The following CWC27 variants were observed in gnomAD, a reference collection of about 807,000 sequenced individuals.
CWC27 encodes the protein CWC27 spliceosome associated cyclophilin.
A neutral mutation model predicts 63.6 loss-of-function variants in CWC27; 47 were observed. That is an observed-to-expected ratio of 0.74 (90% CI 0.58 to 0.94). CWC27 has a LOEUF of 0.94. Among genes scored for constraint, CWC27 ranks in the 40% least tolerant of loss-of-function variants. The pLI is 0.00. For synonymous variants in CWC27, 175 were observed against 179.8 expected (o/e 0.97, Z 0.22); for missense variants, 495 against 554.3 (o/e 0.89, Z 1.07).
chr5:64,852,301 C>A (rs893402642), intron 10 of CWC27, among the ~76,000 whole-genome samples: 1 of 152,140 alleles, frequency 6.6e-6, no homozygotes, highest in African/African-American at 2.4e-5. Flanking sequence ...TGGCTAAAAT[C>A]TCCAGCATAA....
At position 64,774,884 on chromosome 5, in the gene CWC27, G is replaced by A. The variant is rs566068642; in HGVS notation, c.139+97G>A. On this transcript the variant is annotated intron_variant, in intron 2 of 13. Coordinates refer to ENST00000381070, the MANE Select transcript of CWC27 (RefSeq NM_005869.4). ...CATTGAAGACTAGTGTTAAATAGTG[G>A]TCATGAATGACAGGTGTTGCTATGA... The A allele has an allele frequency of 5.5e-4, 381 of 688,602 alleles. 6 individuals are homozygous for A. The South Asian group carries it at 7.2e-3, about 13-fold the overall frequency. The allele number at this position is 688,602 out of a possible 1,614,324, so 42.7% of individuals were successfully genotyped here. A position where few individuals can be genotyped will look rare whatever the true frequency, so the allele number is the denominator to read the frequency against.
chr5:64,900,880 G>T (rs948768176), intron 11 of CWC27, among the ~76,000 whole-genome samples: 1 of 152,134 alleles, frequency 6.6e-6, no homozygotes, highest in African/African-American at 2.4e-5. Flanking sequence ...AGGCTATATG[G>T]TGTGGCCCAA....
chr5:64,819,717 T>C (rs1481204672), intron 10 of CWC27, among the ~76,000 whole-genome samples: 2 of 152,214 alleles, frequency 1.3e-5, no homozygotes, highest in African/African-American at 4.8e-5. Flanking sequence ...GTCTTGGTTA[T>C]ATCTTTATTA....
At chr5:64,795,892 C>G (rs969752766) in intron 7 of CWC27, among the ~76,000 whole-genome samples, 4 of 151,668 alleles carry the variant, frequency 2.6e-5, no homozygotes, top group African/African-American at 9.7e-5. Flanking sequence ...CTTTGTAGTT[C>G]TAGAAGGTAG....
At chr5:65,002,134 T>A (rs943077865) in intron 13 of CWC27, among the ~76,000 whole-genome samples, 1 of 152,110 alleles carries the variant, frequency 6.6e-6, no homozygotes. Context: ...AGATCCTTTC[T>A]ATTTCTGCTG....
chr5:64,775,012 A>G (rs1256240042), intron 2 of CWC27, among the ~76,000 whole-genome samples: 1 of 152,206 alleles, frequency 6.6e-6, no homozygotes, highest in Non-Finnish European at 1.5e-5. Flanking sequence ...TCAACAAATA[A>G]TACTGTGATC....
Position 64,799,677 on chromosome 5 carries a change from T to A in CWC27, c.670-571T>A, listed in dbSNP as rs552658320. Among the ~76,000 whole-genome samples, 52 of 151,632 alleles carry A rather than the reference T, an allele frequency of 3.4e-4. 1 individual carries two copies. Among genetic ancestry groups the A allele is most frequent in the Non-Finnish European group, 1.2e-4 (8 of 67,940 alleles). On this transcript the variant is annotated intron_variant, in intron 7 of 13. Coordinates refer to ENST00000381070, the MANE Select transcript of CWC27 (RefSeq NM_005869.4). ...TTTATATCTTGTTTCCCTTCTAAAA[T>A]GTACATTTTTTGAAAACATGAACTT...
chr5:64,813,428 GA>G, intron 10 of CWC27, among the ~76,000 whole-genome samples: 1 of 152,246 alleles, frequency 6.6e-6, no homozygotes, highest in South Asian at 2.1e-4. Context: ...ATGTATATCA[GA>G]AATATGACAA....
At chr5:64,818,133 A>G (rs1441967864) in intron 10 of CWC27, among the ~76,000 whole-genome samples, 2 of 152,086 alleles carry the variant, frequency 1.3e-5, no homozygotes, top group Non-Finnish European at 2.9e-5. Flanking sequence ...CTCTTTCTGA[A>G]AAGTACTTTT....
intron 10 of CWC27, among the ~76,000 whole-genome samples, chr5:64,865,943 A>G (rs1746522711): frequency 6.6e-6 from 1 of 152,096 alleles, no homozygotes; most frequent in Non-Finnish European, 1.5e-5. Context: ...GGTGTGCCTT[A>G]CAAGAAAATG....
At chr5:64,803,960 G>A (rs988244334) in intron 9 of CWC27, among the ~76,000 whole-genome samples, 2 of 152,114 alleles carry the variant, frequency 1.3e-5, no homozygotes, top group Admixed American at 1.3e-4. Flanking sequence ...AGAGGGAGAA[G>A]TCTGCTGCAC....
intron 11 of CWC27, among the ~76,000 whole-genome samples, chr5:64,886,738 T>C (rs1210217135): frequency 6.6e-6 from 1 of 152,106 alleles, no homozygotes; most frequent in Admixed American, 6.5e-5. Context: ...TCATGAAGAT[T>C]TGAAAGTCAT....
At chr5:64,912,482 A>G (rs935881114) in intron 11 of CWC27, among the ~76,000 whole-genome samples, 1 of 152,168 alleles carries the variant, frequency 6.6e-6, no homozygotes, top group African/African-American at 2.4e-5. Flanking sequence ...AATTTTTTTT[A>G]TACAGAACAG....
At chr5:64,959,783 G>T (rs924503288) in intron 11 of CWC27, among the ~76,000 whole-genome samples, 4 of 152,112 alleles carry the variant, frequency 2.6e-5, no homozygotes, top group Non-Finnish European at 5.9e-5. Context: ...TGTAATTCAG[G>T]ACCTAAAAAT....
At chr5:65,001,576 C>A (rs1749733068) in intron 13 of CWC27, among the ~76,000 whole-genome samples, 1 of 149,184 alleles carries the variant, frequency 6.7e-6, no homozygotes, top group South Asian at 2.1e-4. Context: ...TCAAGACAAT[C>A]ATACAATTTT....
At chr5:64,946,559 G>A (rs1396716036) in intron 11 of CWC27, among the ~76,000 whole-genome samples, 1 of 152,066 alleles carries the variant, frequency 6.6e-6, no homozygotes, top group Non-Finnish European at 1.5e-5. Flanking sequence ...AAAAAGACTG[G>A]CTACCTTCAT....
At chr5:64,844,550 T>C (rs1353327456) in intron 10 of CWC27, among the ~76,000 whole-genome samples, 2 of 152,172 alleles carry the variant, frequency 1.3e-5, no homozygotes, top group African/African-American at 2.4e-5. Context: ...TCTATACCAG[T>C]TTGACTTGAG....
chr5:65,004,909 T>TATACATACACACACACAC (rs1402275240), intron 13 of CWC27, among the ~76,000 whole-genome samples: 39 of 65,088 alleles, frequency 6.0e-4, no homozygotes, highest in African/African-American at 2.3e-3. Context: ...TATATATACA[T>TATACATACACACACACAC]ACACACACAC....
chr5:64,913,945 A>T (rs996136641), intron 11 of CWC27, among the ~76,000 whole-genome samples: 3 of 152,106 alleles, frequency 2.0e-5, no homozygotes, highest in Non-Finnish European at 4.4e-5. Flanking sequence ...TAATATCAAG[A>T]CTTGTTATAA....
Sources: allele counts gnomAD v4.1 joint callset (sites outside exome capture counted in the v4.1 genomes callset), GRCh38; gene constraint gnomAD v4.1.1; transcripts MANE v1.5; gene names NCBI Gene and HGNC (gene_info 2026-07-23, HGNC 2026-07-21).